RALYL: variants seen among roughly 807,000 people sequenced by gnomAD.
The protein encoded by RALYL is RALY RNA binding protein like.
In RALYL, 29 loss-of-function variants were observed where a neutral mutation model predicts 35.1. The observed-to-expected ratio is 0.83, with a 90% confidence interval of 0.61 to 1.13. The LOEUF (loss-of-function observed/expected upper bound fraction) is 1.13. Among genes scored for constraint, RALYL ranks in the 50% most tolerant of loss-of-function variants. RALYL has a pLI of 0.00. For missense variants in RALYL, 359 were observed against 360.4 expected (o/e 1.00, Z 0.03); for synonymous variants, 120 against 127.6 (o/e 0.94, Z 0.40).
chr8:84,609,078 C>A (rs1277001644), intron 2 of RALYL, among the ~76,000 whole-genome samples: 1 of 152,094 alleles, frequency 6.6e-6, no homozygotes, highest in Non-Finnish European at 1.5e-5. Flanking sequence ...GTATATCATT[C>A]TTCCTCATAT....
chr8:84,774,758 C>G, intron 3 of RALYL, 104 bp downstream of exon 3: 1 of 723,722 alleles, frequency 1.4e-6, no homozygotes, highest in Non-Finnish European at 2.4e-6. Context: ...AATAATAATC[C>G]TTATTGGAAT....
chr8:84,586,193 CAA>C (rs1246553302), intron 2 of RALYL, among the ~76,000 whole-genome samples: 13 of 101,512 alleles, frequency 1.3e-4, no homozygotes, highest in African/African-American at 7.5e-5. Flanking sequence ...AGATGCGTCT[CAA>C]AAAAAAAAAA....
intron 2 of RALYL, among the ~76,000 whole-genome samples, chr8:84,697,148 A>C (rs1444545876): frequency 6.6e-6 from 1 of 151,984 alleles, no homozygotes; most frequent in Non-Finnish European, 1.5e-5. Context: ...GCAAATTTTA[A>C]ATTGGAAATA....
At chr8:84,754,604 C>T (rs988113676) in intron 2 of RALYL, among the ~76,000 whole-genome samples, 3 of 152,186 alleles carry the variant, frequency 2.0e-5, no homozygotes, top group African/African-American at 7.2e-5. Context: ...GGATCCTGCC[C>T]TTGGCAGGAT....
intron 1 of RALYL, among the ~76,000 whole-genome samples, chr8:84,304,620 A>T (rs1841458800): frequency 6.6e-6 from 1 of 152,164 alleles, no homozygotes. Context: ...TTTTAAAAGA[A>T]GTGACTTCTA....
intron 1 of RALYL, among the ~76,000 whole-genome samples, chr8:84,341,696 C>T (rs557279363): frequency 8.7e-4 from 132 of 152,032 alleles, no homozygotes; most frequent in Non-Finnish European, 1.5e-3. Context: ...ATACATCATT[C>T]TTGAAAATAT....
At chr8:84,650,681 A>G (rs533516336) in intron 2 of RALYL, among the ~76,000 whole-genome samples, 15 of 152,082 alleles carry the variant, frequency 9.9e-5, no homozygotes, top group East Asian at 1.9e-4. Context: ...TCAGGGATCT[A>G]GAACTAGAAA....
intron 2 of RALYL, among the ~76,000 whole-genome samples, chr8:84,671,674 G>C (rs970836607): frequency 2.6e-5 from 4 of 152,164 alleles, no homozygotes; most frequent in African/African-American, 9.7e-5. Context: ...GCACAGTTTA[G>C]TCAAGGCTGG....
rs763207255 is a variant in RALYL at position 84,573,166 on chromosome 8, A to AT, written c.256+43595dup. Among the ~76,000 whole-genome samples the AT allele has an allele frequency of 7.9e-5, 12 of 151,312 alleles. No individual in the cohort carries two copies. In the South Asian group the frequency reaches 1.2e-3, roughly 16 times the overall value. ...CTTGTCTTTTAAATAAATTTAAAAAATTTTTTATTCATATATTTATAATTT... is the reference window on the plus strand; with the variant it reads ...CTTGTCTTTTAAATAAATTTAAAAAATTTTTTTATTCATATATTTATAATTT... On this transcript the variant is annotated intron_variant, in intron 2 of 8. Coordinates refer to ENST00000521268, the MANE Select transcript of RALYL (RefSeq NM_173848.7).
intron 1 of RALYL, among the ~76,000 whole-genome samples, chr8:84,468,127 A>C (rs1389815327): frequency 5.3e-5 from 8 of 151,468 alleles, no homozygotes; most frequent in African/African-American, 1.7e-4. Context: ...TTAATTGGAG[A>C]ATTTAGTGCA....
rs146774031 is a variant in RALYL, at chr8:84,864,617, G to A, written c.571+2164G>A. Reference sequence around the variant, plus strand: ...CTAAGGATTAAATCTAAGCTTGGAGGTAGAATAGTCATGTGGTTTCCAGCA... The same window carrying A: ...CTAAGGATTAAATCTAAGCTTGGAGATAGAATAGTCATGTGGTTTCCAGCA... On this transcript the variant is annotated intron_variant, in intron 6 of 8. Transcript: ENST00000521268. The A allele has an allele frequency of 2.7e-3, 748 of 275,466 alleles. 2 individuals are homozygous for A. The highest frequency in any genetic ancestry group is 4.6e-3 in the Non-Finnish European group (643 of 140,568). 17.1% of individuals were successfully genotyped at this position (275,466 alleles called of 1,614,324 possible).
chr8:84,613,407 C>G (rs772724744), intron 2 of RALYL, among the ~76,000 whole-genome samples: 3 of 151,544 alleles, frequency 2.0e-5, no homozygotes, highest in Non-Finnish European at 4.4e-5. Flanking sequence ...TATCCTGACT[C>G]TTAATGATAA....
intron 1 of RALYL, among the ~76,000 whole-genome samples, chr8:84,380,011 A>C (rs1857649836): frequency 3.3e-5 from 5 of 151,718 alleles, no homozygotes; most frequent in Admixed American, 2.6e-4. Context: ...ATCACCCATC[A>C]GGTGATAAGA....
At chr8:84,511,756 A>G (rs956557478) in intron 1 of RALYL, among the ~76,000 whole-genome samples, 5 of 151,248 alleles carry the variant, frequency 3.3e-5, no homozygotes, top group African/African-American at 1.2e-4. Context: ...TCTACTCTCT[A>G]CCTCCCTTAG....
chr8:84,455,440 G>T (rs929034587), intron 1 of RALYL, among the ~76,000 whole-genome samples: 1 of 152,044 alleles, frequency 6.6e-6, no homozygotes, highest in Non-Finnish European at 1.5e-5. Context: ...GAATAAATCT[G>T]TGATTTAGCC....
chr8:84,233,929 A>G (rs1257447756), intron 1 of RALYL, among the ~76,000 whole-genome samples: 1 of 152,188 alleles, frequency 6.6e-6, no homozygotes, highest in African/African-American at 2.4e-5. Flanking sequence ...GAAAACTGTG[A>G]AACTTGTAGA....
At chr8:84,907,722 T>A (rs1237264592) in intron 8 of RALYL, among the ~76,000 whole-genome samples, 1 of 152,082 alleles carries the variant, frequency 6.6e-6, no homozygotes, top group Non-Finnish European at 1.5e-5. Flanking sequence ...TATTTTTTAC[T>A]TACTTATTAA....
At chr8:84,716,641 C>T (rs1396746124) in intron 2 of RALYL, among the ~76,000 whole-genome samples, 1 of 152,120 alleles carries the variant, frequency 6.6e-6, no homozygotes, top group African/African-American at 2.4e-5. Context: ...GGTCCAAACT[C>T]TCCTAAAGAA....
At chr8:84,476,194 G>A (rs711022) in intron 1 of RALYL, among the ~76,000 whole-genome samples, 5,969 of 152,186 alleles carry the variant, frequency 0.039, 157 homozygotes, top group Middle Eastern at 0.075. Context: ...CTTAAACAGG[G>A]AAGCCAGATT....
Sources: allele counts gnomAD v4.1 joint callset (sites outside exome capture counted in the v4.1 genomes callset), GRCh38; gene constraint gnomAD v4.1.1; transcripts MANE v1.5; gene names NCBI Gene and HGNC (gene_info 2026-07-23, HGNC 2026-07-21).